The following ZNF462 variants were observed in gnomAD, a reference collection of about 807,000 sequenced individuals.
The protein encoded by ZNF462 is zinc finger PBX1-interacting protein.
In ZNF462, 10 loss-of-function variants were observed where a neutral mutation model predicts 201.9. That is an observed-to-expected ratio of 0.05 (90% CI 0.03 to 0.08). The LOEUF (loss-of-function observed/expected upper bound fraction) is 0.08. ZNF462 is among the 10% of genes least tolerant of loss of function. The pLI is 1.00. For synonymous variants in ZNF462, 1,227 were observed against 1,193.3 expected (o/e 1.03, Z -0.58); for missense variants, 2,523 against 3,168.3 (o/e 0.80, Z 4.89).
chr9:106,996,575 C>T (rs995107229), intron 10 of ZNF462, among the ~76,000 whole-genome samples: 32 of 149,760 alleles, frequency 2.1e-4, no homozygotes, highest in Non-Finnish European at 1.6e-4. Context: ...TGATGATGAG[C>T]ATTTTTTCAT....
Position 107,006,145 on chromosome 9 carries a change from T to C in ZNF462, c.7189+2719T>C, listed in dbSNP as rs1829527188. The stretch of plus-strand genomic sequence containing the variant: ...TGCCTCCAACTTCGTTCTGTTTGTT[T>C]AAGATTTCTTTGGCTATCCAGGGTG... On this transcript the variant is annotated intron_variant, in intron 11 of 12. Transcript: ENST00000277225. The surrounding 1 kb of genome is among the most constrained non-coding windows in gnomAD (Gnocchi z 4.3). Among the ~76,000 whole-genome samples the C allele has an allele frequency of 6.6e-6, 1 of 152,158 alleles. No individual in the cohort carries two copies. Among genetic ancestry groups the C allele is most frequent in the Non-Finnish European group, 1.5e-5 (1 of 68,030 alleles).
In ZNF462 at chr9:106,929,476, C is replaced by T. The variant is rs747379885; in HGVS notation, c.5564C>T (p.Ser1855Phe). ...CGCTGCATCAAATGCTTCAAGCTGTCCTTTAGCACTGCAGAGCTGCTGTGC... is the reference window on the plus strand; with the variant it reads ...CGCTGCATCAAATGCTTCAAGCTGTTCTTTAGCACTGCAGAGCTGCTGTGC... ...PFRCIKCFKL[S>F]FSTAELLCMH... Residue 1855 changes from serine (S) to phenylalanine (F), a missense_variant, in exon 3 of 13, where the codon TCC becomes TTC. By Grantham distance (155) the Ser-to-Phe change is radical. This residue lies in a region of ZNF462 where 207 missense variants were observed against 231.6 expected (regional missense o/e 0.89). Coordinates refer to ENST00000277225, the MANE Select transcript of ZNF462 (RefSeq NM_021224.6). This position sits in a 1 kb window ranked among gnomAD's most constrained non-coding sequence, Gnocchi z 8.7. 1 of 1,614,158 alleles carries T rather than the reference C, an allele frequency of 6.2e-7. No homozygotes were observed. The highest frequency in any genetic ancestry group is 1.3e-5 in the African/African-American group (1 of 75,044).
chr9:106,866,646 C>A (rs1163597214), intron 1 of ZNF462, among the ~76,000 whole-genome samples: 1 of 152,132 alleles, frequency 6.6e-6, no homozygotes, highest in Non-Finnish European at 1.5e-5. Flanking sequence ...TACTTGGAAT[C>A]ATAACTTTTA....
rs541269826 is a variant in ZNF462 at position 106,924,734 on chromosome 9, C to T, written c.822C>T (p.Ser274=). ...ACCGCAGTATGGTCAAGATCCTTTC[C>T]AGTCTCAGACAGCAACAAGAAGGAA... ...KKHRSMVKIL[S]SLRQQQEGTN... The change falls in exon 3 of 13, where the codon TCC becomes TCT. Residue 274 remains serine (S), a synonymous_variant. Coordinates refer to ENST00000277225, the MANE Select transcript of ZNF462 (RefSeq NM_021224.6). This position sits in a 1 kb window ranked among gnomAD's most constrained non-coding sequence, Gnocchi z 6.2. 1.2e-6 allele frequency: 2 copies of T among 1,614,128 alleles called. No homozygotes were observed. The highest frequency in any genetic ancestry group is 1.3e-5 in the African/African-American group (1 of 75,018).
chr9:106,973,729 T>C (rs1188596437), intron 8 of ZNF462, among the ~76,000 whole-genome samples: 1 of 152,058 alleles, frequency 6.6e-6, no homozygotes, highest in Non-Finnish European at 1.5e-5. Flanking sequence ...CCCCCTTACC[T>C]GTGAAGAATT....
intron 1 of ZNF462, among the ~76,000 whole-genome samples, chr9:106,907,513 A>G (rs948015553): frequency 1.6e-4 from 24 of 152,186 alleles, no homozygotes; most frequent in African/African-American, 5.3e-4. Context: ...TGAGTTTTAC[A>G]TGGTAATTTT....
At chr9:106,943,158 A>G (rs1475985639) in intron 7 of ZNF462, among the ~76,000 whole-genome samples, 1 of 151,658 alleles carries the variant, frequency 6.6e-6, no homozygotes, top group African/African-American at 2.4e-5. Flanking sequence ...ATACCCCTCC[A>G]TTTATAATAT....
At chr9:106,939,306 C>A (rs890961586) in intron 7 of ZNF462, among the ~76,000 whole-genome samples, 199 bp downstream of exon 7, 2 of 152,004 alleles carry the variant, frequency 1.3e-5, no homozygotes, top group African/African-American at 4.8e-5. Flanking sequence ...TGTGTGACGC[C>A]ATGATGAAAA....
chr9:106,984,445 A>C lies in ZNF462; in HGVS notation c.7056+36A>C. ...GGACTTCCTGCTCCCGCCTCAGCAC[A>C]CTTGTGGGGAGGGGCCAAGGGGGAG... On this transcript the variant is annotated intron_variant, in intron 10 of 12. Transcript: ENST00000277225. The surrounding 1 kb of genome is among the most constrained non-coding windows in gnomAD (Gnocchi z 6.4). The C allele has an allele frequency of 1.3e-6, 2 of 1,564,308 alleles. No homozygotes were observed. The highest frequency in any genetic ancestry group is 1.7e-6 in the Non-Finnish European group (2 of 1,149,920).
At chr9:106,861,281 G>T (rs1827058868), upstream of ZNF462, among the ~76,000 whole-genome samples, 2 of 151,938 alleles carry the variant, frequency 1.3e-5, no homozygotes, top group South Asian at 2.1e-4. Flanking sequence ...TGTTTATGAA[G>T]CCCCGCTATC....
Position 106,974,140 on chromosome 9 carries a change from T to C in ZNF462, c.6699T>C (p.Ser2233=), listed in dbSNP as rs556045453. ...KDCSFYTGFK[S]AFTMHVEAGH... ...CTCCTCCCAAACTCTCTCCTAGATC[T>C]GCTTTTACTATGCACGTGGAAGCTG... The change falls in exon 9 of 13, where the codon TCT becomes TCC. Residue 2233 remains serine (S), a synonymous_variant. Transcript: ENST00000277225. The surrounding 1 kb of genome is among the most constrained non-coding windows in gnomAD (Gnocchi z 4.0). 1 of 1,614,182 alleles carries C rather than the reference T, an allele frequency of 6.2e-7. No homozygotes were observed. The highest frequency in any genetic ancestry group is 2.2e-5 in the East Asian group (1 of 44,870).
At position 106,951,826 on chromosome 9, in the gene ZNF462, C is replaced by T. The variant is rs531384799; in HGVS notation, c.6427+12719C>T. On this transcript the variant is annotated intron_variant, in intron 7 of 12. Transcript: ENST00000277225. ...AGCATCCAGATGTTCCATGGAACCT[C>T]TTCTCCAAGTCATAACAGTGTTGTG... is the stretch of plus-strand genomic sequence containing the variant. 2.7e-4 allele frequency among the ~76,000 whole-genome samples: 41 copies of T among 151,740 alleles called. 1 individual carries two copies. In the East Asian group the frequency reaches 6.0e-3, roughly 22 times the overall value.
chr9:106,918,594 A>G (rs1158449482), intron 1 of ZNF462, among the ~76,000 whole-genome samples: 2 of 152,164 alleles, frequency 1.3e-5, no homozygotes, highest in Non-Finnish European at 2.9e-5. Context: ...TAGCAACCCA[A>G]CATTTATAAG....
chr9:107,000,625 T>C (rs1174111871), intron 10 of ZNF462, among the ~76,000 whole-genome samples: 1 of 152,196 alleles, frequency 6.6e-6, no homozygotes, highest in Non-Finnish European at 1.5e-5. Context: ...AATCTTTTAA[T>C]TGCCTAGCAA....
At position 106,917,188 on chromosome 9, in the gene ZNF462, A is replaced by G. The variant is rs548614978; in HGVS notation, c.-30-6166A>G. 1.3e-5 allele frequency among the ~76,000 whole-genome samples: 2 copies of G among 152,324 alleles called. No individual in the cohort carries two copies. The highest frequency in any genetic ancestry group is 4.1e-4 in the South Asian group (2 of 4,830). ...AGCCGGAATGACTTCTTATTTACAT[A>G]TCCAACATTTTTAGCCACTTGGATT... On this transcript the variant is annotated intron_variant, in intron 1 of 12. Transcript: ENST00000277225. The surrounding 1 kb of genome is among the most constrained non-coding windows in gnomAD (Gnocchi z 4.5).
chr9:106,957,987 T>A lies in ZNF462; in HGVS notation c.6428-14018T>A, dbSNP rs1588116705. Among the ~76,000 whole-genome samples, 3 of 152,266 alleles carry A rather than the reference T, an allele frequency of 2.0e-5. No individual in the cohort carries two copies. The East Asian group carries it at 5.8e-4, about 29-fold the overall frequency. ...AGGTAGAGCCATAGTCCATTTGAGA[T>A]GTGAATGTACTGAGTTCAATAGAAA... On this transcript the variant is annotated intron_variant, in intron 7 of 12. Coordinates refer to ENST00000277225, the MANE Select transcript of ZNF462 (RefSeq NM_021224.6).
chr9:106,864,115 TC>T (rs1827214795), intron 1 of ZNF462, among the ~76,000 whole-genome samples: 1 of 115,542 alleles, frequency 8.7e-6, no homozygotes, highest in Non-Finnish European at 1.7e-5. Context: ...TCTCTCCCTC[TC>T]CCCGAAGTTG....
At chr9:106,903,650 GA>G (rs1190745528) in intron 1 of ZNF462, among the ~76,000 whole-genome samples, 1 of 152,126 alleles carries the variant, frequency 6.6e-6, no homozygotes, top group Non-Finnish European at 1.5e-5. Flanking sequence ...TTTCCTGTTA[GA>G]CAAGGCCTTT....
chr9:106,991,246 T>C (rs975718634), intron 10 of ZNF462, among the ~76,000 whole-genome samples: 1 of 152,042 alleles, frequency 6.6e-6, no homozygotes, highest in South Asian at 2.1e-4. Context: ...AAATCAGTTA[T>C]GTTTCTGTAT....
Sources: allele counts gnomAD v4.1 joint callset (sites outside exome capture counted in the v4.1 genomes callset), GRCh38; gene constraint gnomAD v4.1.1; regional missense constraint gnomAD v4.1.1; non-coding constraint Gnocchi (gnomAD v3.1); transcripts MANE v1.5; gene names NCBI Gene and HGNC (gene_info 2026-07-23, HGNC 2026-07-21).